Variants in BIRC6 observed in about 807,000 individuals in gnomAD.
The protein encoded by BIRC6 is dual E2 ubiquitin-conjugating enzyme/E3 ubiquitin-protein ligase BIRC6.
Under a neutral mutation model 503.3 loss-of-function variants are expected in BIRC6, and 98 were observed. The ratio of observed to expected loss-of-function variants is 0.19; its 90% CI spans 0.17 to 0.23. The LOEUF (loss-of-function observed/expected upper bound fraction) is 0.23. Among genes scored for constraint, BIRC6 ranks in the 10% least tolerant of loss-of-function variants. The pLI, the probability that BIRC6 is intolerant of heterozygous loss-of-function variation, is 1.00. For missense variants in BIRC6, 5,360 were observed against 5,806.0 expected (o/e 0.92, Z 2.50); for synonymous variants, 2,240 against 2,078.7 (o/e 1.08, Z -2.11).
At chr2:32,433,894 C>T in intron 13 of BIRC6, 90 bp downstream of exon 13, 1 of 1,062,974 alleles carries the variant, frequency 9.4e-7, no homozygotes, top group Non-Finnish European at 1.3e-6. Context: ...TTTCGTGTCC[C>T]TTTCTGTCCC....
intron 6 of BIRC6, among the ~76,000 whole-genome samples, 194 bp from the exon 7 acceptor site, chr2:32,400,969 A>G (rs2040541968): frequency 6.6e-6 from 1 of 152,194 alleles, no homozygotes; most frequent in African/African-American, 2.4e-5. Flanking sequence ...GGAATATTGA[A>G]TGTGTGAATT....
At chr2:32,382,514 C>G (rs1045375607) in intron 3 of BIRC6, among the ~76,000 whole-genome samples, 4 of 152,146 alleles carry the variant, frequency 2.6e-5, no homozygotes, top group African/African-American at 4.8e-5. Flanking sequence ...CTGGGAGAAC[C>G]TAAAAGCCAG....
intron 68 of BIRC6, 47 bp from the exon 69 acceptor site, chr2:32,597,704 T>C (rs1434678096): frequency 7.1e-7 from 1 of 1,398,970 alleles, no homozygotes; most frequent in South Asian, 1.2e-5. Context: ...TTTGTCATTA[T>C]AACAATTTTT....
At chr2:32,559,526 G>A (rs892519110) in intron 65 of BIRC6, among the ~76,000 whole-genome samples, 1 of 152,122 alleles carries the variant, frequency 6.6e-6, no homozygotes, top group East Asian at 1.9e-4. Flanking sequence ...GATTGAAGTA[G>A]TTTTTATGTT....
At chr2:32,485,276 C>T (rs561024297) in intron 39 of BIRC6, among the ~76,000 whole-genome samples, 1 of 152,212 alleles carries the variant, frequency 6.6e-6, no homozygotes, top group Non-Finnish European at 1.5e-5. Context: ...GATGAATTCA[C>T]ATCAGTGTAT....
Position 32,415,529 on chromosome 2 carries a change from G to C in BIRC6, c.2238G>C (p.Leu746Phe). Reference sequence around the variant, plus strand: ...CTTGTGCTGACGGAATTCATTTGTTGGTAGGACTGCGGACATGCCCTGTTG... The same window carrying C: ...CTTGTGCTGACGGAATTCATTTGTTCGTAGGACTGCGGACATGCCCTGTTG... Reference protein sequence around the residue: ...ITPCADGIHLLVGLRTCPVES... With the variant: ...ITPCADGIHLFVGLRTCPVES... Residue 746 changes from leucine to phenylalanine, a missense_variant, in exon 10 of 74, where the codon TTG (leucine) becomes TTC (phenylalanine). Transcript: ENST00000421745. 6.2e-7 allele frequency: 1 copy of C among 1,613,966 alleles called. No homozygotes were observed. The highest frequency in any genetic ancestry group is 8.5e-7 in the Non-Finnish European group (1 of 1,179,898).
chr2:32,584,124 G>A (rs546171081), intron 66 of BIRC6, among the ~76,000 whole-genome samples: 11 of 152,282 alleles, frequency 7.2e-5, no homozygotes, highest in African/African-American at 2.6e-4. Context: ...TGTAATCCCA[G>A]CATGTTGGGA....
intron 9 of BIRC6, among the ~76,000 whole-genome samples, chr2:32,406,764 A>G (rs1239610152): frequency 6.6e-6 from 1 of 152,230 alleles, no homozygotes; most frequent in Non-Finnish European, 1.5e-5. Flanking sequence ...AATGGTACCT[A>G]TTTGAGCCAA....
intron 34 of BIRC6, 60 bp downstream of exon 34, chr2:32,476,404 A>T: frequency 1.3e-6 from 2 of 1,483,986 alleles, no homozygotes; most frequent in Non-Finnish European, 1.8e-6. Flanking sequence ...ATGATCTTTA[A>T]TTACGATCGA....
chr2:32,589,643 G>A (rs1351190991), intron 66 of BIRC6, among the ~76,000 whole-genome samples: 2 of 152,116 alleles, frequency 1.3e-5, no homozygotes, highest in Non-Finnish European at 2.9e-5. Context: ...TTTTGATGGT[G>A]GTAAACAAGT....
chr2:32,508,745 G>A (rs2054071447), intron 51 of BIRC6, among the ~76,000 whole-genome samples: 1 of 152,058 alleles, frequency 6.6e-6, no homozygotes, highest in Non-Finnish European at 1.5e-5. Flanking sequence ...AATTTTGACA[G>A]CTGGATGTTT....
chr2:32,381,273 CTT>C (rs1046386616), intron 3 of BIRC6, among the ~76,000 whole-genome samples: 1 of 151,980 alleles, frequency 6.6e-6, no homozygotes, highest in African/African-American at 2.4e-5. Context: ...GAGTTTTGCT[CTT>C]GTTTCCCAGG....
chr2:32,528,240 T>G (rs954775238), intron 59 of BIRC6: 3 of 152,356 alleles, frequency 2.0e-5, no homozygotes, highest in African/African-American at 7.2e-5. Context: ...TTTTTTTTTT[T>G]GAGACGTAGT....
intron 66 of BIRC6, among the ~76,000 whole-genome samples, chr2:32,579,605 C>T (rs1251200886): frequency 6.6e-6 from 1 of 152,024 alleles, no homozygotes; most frequent in Non-Finnish European, 1.5e-5. Context: ...GGGAGGATCG[C>T]TTGAGACTAG....
Position 32,410,704 on chromosome 2 carries a change from CT to C in BIRC6, c.1478-4051del, listed in dbSNP as rs1404812049. On this transcript the variant is annotated intron_variant, in intron 9 of 73. Transcript: ENST00000421745. ...GCTTATTGCTCTACTTGGGCAACTT[CT>C]TTTTTTTTTTTTTGAAATGGAGTCT... 4.0e-3 allele frequency among the ~76,000 whole-genome samples: 570 copies of C among 142,432 alleles called. 2 individuals carry two copies. The highest frequency in any genetic ancestry group is 0.011 in the Middle Eastern group (3 of 276). 93.4% of individuals were successfully genotyped at this position (142,432 alleles called of 152,430 possible).
chr2:32,521,542 C>T (rs1489425074), intron 57 of BIRC6, among the ~76,000 whole-genome samples: 1 of 151,842 alleles, frequency 6.6e-6, no homozygotes, highest in Non-Finnish European at 1.5e-5. Context: ...GATCTCGGCT[C>T]ACTGCAACCT....
intron 65 of BIRC6, chr2:32,558,004 A>G (rs1666124010): frequency 6.6e-6 from 1 of 152,208 alleles, no homozygotes; most frequent in African/African-American, 2.4e-5. Context: ...AATACTAGCT[A>G]GTAAATACTA....
intron 51 of BIRC6, 131 bp downstream of exon 51, chr2:32,508,390 G>T: frequency 8.4e-7 from 1 of 1,191,668 alleles, no homozygotes; most frequent in Non-Finnish European, 1.1e-6. Flanking sequence ...ATAGGTATCT[G>T]TATAATACAA....
At position 32,493,600 on chromosome 2, in the gene BIRC6, T is replaced by A; in HGVS notation, c.8401T>A (p.Ser2801Thr). 6.2e-7 allele frequency: 1 copy of A among 1,609,160 alleles called. No homozygotes were observed. Among genetic ancestry groups the A allele is most frequent in the Non-Finnish European group, 8.5e-7 (1 of 1,176,496 alleles). ...EFLTRLQVHLSSTCPQIFSEF... is the reference protein window; with the variant it reads ...EFLTRLQVHLTSTCPQIFSEF... ...TCTTACTCGATTACAAGTGCATCTTTCTTCAACATGTCCTCAGATATTCAG... is the reference window on the plus strand; with the variant it reads ...TCTTACTCGATTACAAGTGCATCTTACTTCAACATGTCCTCAGATATTCAG... Residue 2801 changes from serine to threonine, a missense_variant, in exon 45 of 74, where the codon TCT becomes ACT. Coordinates refer to ENST00000421745, the MANE Select transcript of BIRC6 (RefSeq NM_016252.4).
Sources: gnomAD v4.1 joint callset for allele counts (sites outside exome capture counted in the v4.1 genomes callset) on GRCh38, gnomAD v4.1.1 for gene constraint, MANE v1.5 for transcripts, NCBI Gene and HGNC (gene_info 2026-07-23, HGNC 2026-07-21) for gene names.